TRRAP: variants seen among roughly 807,000 people sequenced by gnomAD.
TRRAP encodes transformation/transcription domain-associated protein.
In TRRAP, 41 loss-of-function variants were observed where a neutral mutation model predicts 438.8. The ratio of observed to expected loss-of-function variants is 0.09; its 90% confidence interval spans 0.07 to 0.12. The LOEUF (loss-of-function observed/expected upper bound fraction) is 0.12, where lower values mean the gene tolerates loss of function less well. TRRAP is among the 10% of genes least tolerant of loss of function. The pLI is 1.00. For missense variants in TRRAP, 3,122 were observed against 5,055.1 expected, an observed-to-expected ratio of 0.62 and a Z score of 11.60; for synonymous variants, 1,994 against 1,962.9, an observed-to-expected ratio of 1.02 and a Z score of -0.42.
chr7:98,961,641 C>T lies in TRRAP; in HGVS notation c.6703+167C>T, dbSNP rs531072481. On this transcript the variant is annotated intron_variant, in intron 46 of 72. Coordinates refer to ENST00000456197, the MANE Select transcript of TRRAP (RefSeq NM_001375524.1). ...ACTGACATGGAAACATAGAATGGGC[C>T]GGGTGTGGTGGCTCACGCCTGTAAT... Among the ~76,000 whole-genome samples the T allele has an allele frequency of 1.6e-4, 25 of 152,288 alleles. No homozygotes were observed. The East Asian group carries it at 2.9e-3, about 18-fold the overall frequency.
intron 18 of TRRAP, 84 bp downstream of exon 18, chr7:98,912,297 C>A (rs2116417490): frequency 1.4e-6 from 2 of 1,460,612 alleles, no homozygotes; most frequent in Non-Finnish European, 1.8e-6. Context: ...GGTGTCCAGG[C>A]TGGTCAGCGT....
chr7:98,945,357 C>T (rs1353146107), intron 31 of TRRAP, among the ~76,000 whole-genome samples: 4 of 152,128 alleles, frequency 2.6e-5, no homozygotes, highest in East Asian at 1.9e-4. Flanking sequence ...TGACTGTAGC[C>T]GGGAAAGAGG....
chr7:98,983,535 T>C, intron 60 of TRRAP, 76 bp downstream of exon 60: 1 of 1,556,214 alleles, frequency 6.4e-7, no homozygotes, highest in Non-Finnish European at 8.8e-7. Flanking sequence ...CGTCTCTGTG[T>C]TTTGGTTTGG....
intron 62 of TRRAP, among the ~76,000 whole-genome samples, chr7:98,987,209 G>C (rs1793191318): frequency 6.6e-6 from 1 of 152,160 alleles, no homozygotes; most frequent in Non-Finnish European, 1.5e-5. Context: ...GCTATGTAGA[G>C]TCTCATATTT....
chr7:99,009,248 C>T (rs1338825373), intron 70 of TRRAP, among the ~76,000 whole-genome samples: 2 of 152,070 alleles, frequency 1.3e-5, no homozygotes, highest in East Asian at 3.9e-4. Flanking sequence ...GCTGTTTTGG[C>T]CTCTCCCTGG....
At chr7:98,905,559 C>A (rs1554407401) in intron 12 of TRRAP, among the ~76,000 whole-genome samples, 1 of 152,060 alleles carries the variant, frequency 6.6e-6, no homozygotes, top group African/African-American at 2.4e-5. Context: ...TCTATAGAAC[C>A]CTGGTTAGGT....
At chr7:98,963,205 T>G (rs1223221411) in intron 47 of TRRAP, among the ~76,000 whole-genome samples, 1 of 152,150 alleles carries the variant, frequency 6.6e-6, no homozygotes, top group East Asian at 1.9e-4. Flanking sequence ...CTGAATATAT[T>G]TGGATGAGTT....
At chr7:98,958,240 C>T (rs1791718710) in intron 44 of TRRAP, 149 bp downstream of exon 44, 3 of 644,988 alleles carry the variant, frequency 4.7e-6, no homozygotes, top group Admixed American at 3.2e-5. Context: ...GTATCAACTG[C>T]ACTTGATTTT....
intron 3 of TRRAP, among the ~76,000 whole-genome samples, chr7:98,886,115 TCTCTA>T (rs1584265471): frequency 1.3e-5 from 2 of 152,230 alleles, no homozygotes; most frequent in East Asian, 3.9e-4. Context: ...TGAAACTCTG[TCTCTA>T]CTCCAAATAC....
chr7:98,980,697 T>C (rs563404778), intron 58 of TRRAP, among the ~76,000 whole-genome samples: 58 of 152,340 alleles, frequency 3.8e-4, no homozygotes, highest in Middle Eastern at 3.4e-3. Flanking sequence ...CATGTAAACC[T>C]GAATTAACAC....
Position 98,954,987 on chromosome 7 carries a change from T to A in TRRAP, c.5731-111T>A, listed in dbSNP as rs918973321. 36 of 1,179,274 alleles carry A rather than the reference T, an allele frequency of 3.1e-5. No individual in the cohort carries two copies. In the Middle Eastern group the frequency reaches 1.1e-3, roughly 36 times the overall value. The allele number at this position is 1,179,274 out of a possible 1,614,324, so 73.1% of individuals were successfully genotyped here. A position where few individuals can be genotyped will look rare whatever the true frequency, so the allele number is the denominator to read the frequency against. On this transcript the variant is annotated intron_variant, in intron 40 of 72. Coordinates refer to ENST00000456197, the MANE Select transcript of TRRAP (RefSeq NM_001375524.1). ...TTCCTAATAAGAAAGTCCTAAGAAG[T>A]TTTTAAAAAATTGTTTTGGAAAAGT...
intron 62 of TRRAP, among the ~76,000 whole-genome samples, chr7:98,985,769 G>C (rs1194945489): frequency 6.6e-6 from 1 of 152,118 alleles, no homozygotes; most frequent in African/African-American, 2.4e-5. Flanking sequence ...AACATAAAAA[G>C]GTTTTATCTT....
At chr7:98,943,631 G>T (rs889513911) in intron 31 of TRRAP, among the ~76,000 whole-genome samples, 5 of 152,212 alleles carry the variant, frequency 3.3e-5, no homozygotes, top group Non-Finnish European at 7.3e-5. Flanking sequence ...ATCTTTTAAA[G>T]TGTCTATTGT....
In TRRAP at chr7:98,915,111, G is replaced by A. The variant is rs139991525; in HGVS notation, c.2200-612G>A. On this transcript the variant is annotated intron_variant, in intron 18 of 72. Coordinates refer to ENST00000456197, the MANE Select transcript of TRRAP (RefSeq NM_001375524.1). ...ATTTTCCAATTAAGTCTTCCAAAAC[G>A]CTATAGTCTTCAATGTCTTTTGAGA... is the stretch of plus-strand genomic sequence containing the variant. Among the ~76,000 whole-genome samples the A allele has an allele frequency of 5.3e-3, 803 of 151,982 alleles. 3 individuals are homozygous for A. Among genetic ancestry groups the A allele is most frequent in the African/African-American group, 0.017 (708 of 41,456 alleles).
At chr7:98,918,461 C>A (rs1379852759) in intron 20 of TRRAP, among the ~76,000 whole-genome samples, 2 of 151,680 alleles carry the variant, frequency 1.3e-5, no homozygotes, top group Non-Finnish European at 2.9e-5. Flanking sequence ...AACTCCTGAC[C>A]TCATGATCCG....
At chr7:99,001,837 G>A (rs1304589929) in intron 67 of TRRAP, among the ~76,000 whole-genome samples, 3 of 152,164 alleles carry the variant, frequency 2.0e-5, no homozygotes, top group African/African-American at 7.2e-5. Context: ...CATTCATGTG[G>A]GAACTGGTAC....
intron 4 of TRRAP, 149 bp downstream of exon 4, chr7:98,890,594 T>A (rs1795920472): frequency 1.7e-6 from 1 of 582,154 alleles, no homozygotes; most frequent in Non-Finnish European, 2.9e-6. Flanking sequence ...GCCTCCTCAG[T>A]TACATGTCTT....
chr7:98,994,240 A>G lies in TRRAP; in HGVS notation c.10048-347A>G, dbSNP rs895110426. On this transcript the variant is annotated intron_variant, in intron 66 of 72. Coordinates refer to ENST00000456197, the MANE Select transcript of TRRAP (RefSeq NM_001375524.1). This position sits in a 1 kb window ranked among gnomAD's most constrained non-coding sequence, Gnocchi z 4.8. Reference sequence around the variant, plus strand: ...CTGCTGTGAAGTCTCGTGTGTGCACAGTGCACGCAGACACGCGGTGGGAAC... The same window carrying G: ...CTGCTGTGAAGTCTCGTGTGTGCACGGTGCACGCAGACACGCGGTGGGAAC... Among the ~76,000 whole-genome samples the G allele has an allele frequency of 1.3e-5, 2 of 152,186 alleles. No homozygotes were observed. Among genetic ancestry groups the G allele is most frequent in the African/African-American group, 4.8e-5 (2 of 41,432 alleles).
At chr7:99,010,918 C>A in intron 70 of TRRAP, 134 bp from the exon 71 acceptor site, 1 of 919,484 alleles carries the variant, frequency 1.1e-6, no homozygotes, top group Non-Finnish European at 1.7e-6. Flanking sequence ...ACAATGCGTG[C>A]GTTAAATCTG....
Sources: allele counts gnomAD v4.1 joint callset (sites outside exome capture counted in the v4.1 genomes callset), GRCh38; gene constraint gnomAD v4.1.1; non-coding constraint Gnocchi (gnomAD v3.1); transcripts MANE v1.5; gene names NCBI Gene and HGNC (gene_info 2026-07-23, HGNC 2026-07-21).